The following ZNF563 variants were observed in gnomAD, a reference collection of about 807,000 sequenced individuals.
The protein encoded by ZNF563 is zinc finger protein 563.
A neutral mutation model predicts 48.5 loss-of-function variants in ZNF563; 39 were observed. The observed-to-expected ratio is 0.80, with a 90% confidence interval of 0.62 to 1.05. ZNF563 has a LOEUF of 1.05. ZNF563 is among the 50% of genes least tolerant of loss of function. ZNF563 has a pLI of 0.00. For missense variants in ZNF563, 538 were observed against 597.0 expected (o/e 0.90, Z 1.03); for synonymous variants, 168 against 187.9 (o/e 0.89, Z 0.87).
At chr19:12,329,472 C>CAAA (rs754295632) in intron 1 of ZNF563, among the ~76,000 whole-genome samples, 5,307 of 75,602 alleles carry the variant, frequency 0.07, 177 homozygotes, top group East Asian at 0.29. Flanking sequence ...GACTCCATCT[C>CAAA]AAAAAAAAAA....
chr19:12,320,795 A>G (rs1968599233), intron 3 of ZNF563, among the ~76,000 whole-genome samples: 1 of 152,084 alleles, frequency 6.6e-6, no homozygotes, highest in East Asian at 1.9e-4. Flanking sequence ...CACCATGTCC[A>G]GCCTCATATG....
chr19:12,324,554 C>T (rs992358687), intron 1 of ZNF563, among the ~76,000 whole-genome samples: 3 of 151,696 alleles, frequency 2.0e-5, no homozygotes, highest in African/African-American at 7.3e-5. Flanking sequence ...CCTGTCTTTA[C>T]TAAAAATACA....
chr19:12,346,372 C>G, the ZNF563 span: 2 of 152,000 alleles, frequency 1.3e-5, no homozygotes, highest in Non-Finnish European at 2.9e-5. Context: ...TAGGGAAATG[C>G]AAATCAAAAC....
the ZNF563 span, chr19:12,346,586 G>A: frequency 6.6e-6 from 1 of 152,112 alleles, no homozygotes; most frequent in Non-Finnish European, 1.5e-5. Context: ...TACACTCCTA[G>A]GGATACATAT....
intron 1 of ZNF563, among the ~76,000 whole-genome samples, chr19:12,332,177 G>A (rs1250480288): frequency 6.6e-6 from 1 of 151,936 alleles, no homozygotes; most frequent in Non-Finnish European, 1.5e-5. Flanking sequence ...GGGGAACAGG[G>A]GAAAAGGCTG....
intron 1 of ZNF563, among the ~76,000 whole-genome samples, chr19:12,324,704 C>T (rs918131276): frequency 8.0e-6 from 1 of 125,164 alleles, no homozygotes; most frequent in East Asian, 2.2e-4. Flanking sequence ...TTGACAAGAG[C>T]GAAACTCCGT....
At chr19:12,324,664 C>T (rs1214112445) in intron 1 of ZNF563, among the ~76,000 whole-genome samples, 1 of 148,042 alleles carries the variant, frequency 6.8e-6, no homozygotes, top group East Asian at 2.0e-4. Context: ...TTGCGGTGAG[C>T]CGAGATTGCG....
At chr19:12,340,948 G>A in the ZNF563 span, among the ~76,000 whole-genome samples, 2 of 150,666 alleles carry the variant, frequency 1.3e-5, no homozygotes, top group Non-Finnish European at 1.5e-5. Context: ...AAAGAACACT[G>A]GGAAAAAAAA....
the ZNF563 span, among the ~76,000 whole-genome samples, chr19:12,343,146 G>A: frequency 6.6e-6 from 1 of 151,808 alleles, no homozygotes. Flanking sequence ...GCAGTGAGCT[G>A]AGATCACGTC....
the ZNF563 span, among the ~76,000 whole-genome samples, chr19:12,339,827 AC>A: frequency 6.6e-6 from 1 of 152,350 alleles, no homozygotes; most frequent in African/African-American, 2.4e-5. Flanking sequence ...AAGAAGCTCA[AC>A]GAACTCTAAG....
At chr19:12,321,226 G>C (rs1968613154) in intron 3 of ZNF563, 46 bp downstream of exon 3, 1 of 1,323,834 alleles carries the variant, frequency 7.6e-7, no homozygotes, top group African/African-American at 1.5e-5. Context: ...CTTTTACTCT[G>C]AGAATCACTT....
chr19:12,333,648 G>A, upstream of ZNF563: 1 of 1,026,472 alleles, frequency 9.7e-7, no homozygotes. Flanking sequence ...CTAGAGCTGA[G>A]CGCAGGGGCG....
In ZNF563 at chr19:12,320,635, G is replaced by A. The variant is rs573336168; in HGVS notation, c.191+637C>T. Reference sequence around the variant, plus strand: ...CTGCCTTGGCCTCCCAAGCAGCTGGGGTTACAGGTGCATACCCCCATGCCC... The same window carrying A: ...CTGCCTTGGCCTCCCAAGCAGCTGGAGTTACAGGTGCATACCCCCATGCCC... On this transcript the variant is annotated intron_variant, in intron 3 of 3. Transcript: ENST00000293725. 2.0e-5 allele frequency among the ~76,000 whole-genome samples: 3 copies of A among 152,002 alleles called. No homozygotes were observed. The East Asian group carries it at 5.9e-4, about 30-fold the overall frequency.
At chr19:12,327,981 A>G (rs1401646410) in intron 1 of ZNF563, among the ~76,000 whole-genome samples, 1 of 152,252 alleles carries the variant, frequency 6.6e-6, no homozygotes, top group Non-Finnish European at 1.5e-5. Flanking sequence ...ACTCATCTCT[A>G]TCAATAATTC....
intron 1 of ZNF563, among the ~76,000 whole-genome samples, chr19:12,329,821 T>C (rs1368723995): frequency 6.6e-6 from 1 of 152,156 alleles, no homozygotes; most frequent in Non-Finnish European, 1.5e-5. Context: ...ATTTCACTGG[T>C]GATTTATGGC....
rs1228510350 is a variant in ZNF563 at position 12,333,522 on chromosome 19, T to G, written c.-40A>C. On this transcript the variant is annotated 5_prime_UTR_variant, in exon 1 of 4. Transcript: ENST00000293725. ...GATGTTCCAGGGTCCTCCCTCTGCC[T>G]CCCGCTGCCAGTGCGGGTCCCACTG... is the stretch of plus-strand genomic sequence containing the variant. 1 of 1,612,504 alleles carries G rather than the reference T, an allele frequency of 6.2e-7. No individual in the cohort carries two copies. The highest frequency in any genetic ancestry group is 1.3e-5 in the African/African-American group (1 of 74,884).
At chr19:12,334,149 T>C (rs1968988536), upstream of ZNF563, among the ~76,000 whole-genome samples, 1 of 152,134 alleles carries the variant, frequency 6.6e-6, no homozygotes, top group Non-Finnish European at 1.5e-5. Flanking sequence ...AGCCTTCCTC[T>C]CTCACCTTGC....
chr19:12,321,332 C>A lies in ZNF563; in HGVS notation c.131G>T (p.Arg44Ile). 1 of 1,542,634 alleles carries A rather than the reference C, an allele frequency of 6.5e-7. No homozygotes were observed. The highest frequency in any genetic ancestry group is 8.7e-7 in the Non-Finnish European group (1 of 1,150,396). The change falls in exon 3 of 4, where the codon AGA becomes ATA. Residue 44 changes from arginine (R) to isoleucine (I), a missense_variant and splice_region_variant. Transcript: ENST00000293725. ...AGTATTCTGTTCTTCCCATATCATT[C>A]CTAAAAGGGAGACCCAGAAAATCAC... is the stretch of plus-strand genomic sequence containing the variant. ...QETIRNLDCI[R>I]MIWEEQNTED...
upstream of ZNF563, among the ~76,000 whole-genome samples, chr19:12,335,355 T>C (rs558023836): frequency 4.0e-4 from 61 of 152,248 alleles, no homozygotes; most frequent in African/African-American, 1.4e-3. Flanking sequence ...AATCAAAACA[T>C]ACTACTCTAA....
Sources: gnomAD v4.1 joint callset for allele counts (sites outside exome capture counted in the v4.1 genomes callset) on GRCh38, gnomAD v4.1.1 for gene constraint, MANE v1.5 for transcripts, NCBI Gene and HGNC (gene_info 2026-07-23, HGNC 2026-07-21) for gene names.